Variants in PCDH15 observed in about 807,000 individuals in gnomAD.
The protein encoded by PCDH15 is protocadherin related 15, also known as protocadherin-15.
PCDH15 carries 129 observed loss-of-function variants against 178.5 expected under a neutral mutation model. That is an observed-to-expected ratio of 0.72 (90% CI 0.63 to 0.84). PCDH15 has a LOEUF of 0.84. PCDH15 is among the 40% of genes least tolerant of loss of function. The probability of loss-of-function intolerance (pLI) is 0.00; values close to 1 mark genes in which losing one functional copy is unlikely to be tolerated. For synonymous variants in PCDH15, 800 were observed against 732.0 expected (o/e 1.09, Z -1.50); for missense variants, 2,230 against 2,099.9 (o/e 1.06, Z -1.21).
At chr10:54,152,727 T>C (rs1338501262) in intron 14 of PCDH15, among the ~76,000 whole-genome samples, 1 of 152,092 alleles carries the variant, frequency 6.6e-6, no homozygotes, top group East Asian at 1.9e-4. Context: ...TCTGTGTGTG[T>C]ATACACATAT....
At chr10:54,482,153 A>G (rs1269148629) in intron 3 of PCDH15, among the ~76,000 whole-genome samples, 1 of 151,954 alleles carries the variant, frequency 6.6e-6, no homozygotes, top group Non-Finnish European at 1.5e-5. Flanking sequence ...TAACAATTGA[A>G]TATCATTTGA....
chr10:54,500,337 G>A (rs2080550708), intron 3 of PCDH15, among the ~76,000 whole-genome samples: 1 of 151,968 alleles, frequency 6.6e-6, no homozygotes, highest in South Asian at 2.1e-4. Context: ...ACTATCTATT[G>A]GGTACTGCAC....
At chr10:55,360,574 G>A (rs1845203824) in intron 2 of PCDH15, among the ~76,000 whole-genome samples, 1 of 151,872 alleles carries the variant, frequency 6.6e-6, no homozygotes, top group African/African-American at 2.4e-5. Flanking sequence ...TCATAAAAGA[G>A]AATACCCAAA....
intron 6 of PCDH15, among the ~76,000 whole-genome samples, chr10:54,339,081 C>T (rs1565009684): frequency 6.6e-6 from 1 of 152,194 alleles, no homozygotes; most frequent in African/African-American, 2.4e-5. Context: ...CTAATTCAAG[C>T]TTGTCTAACC....
At chr10:54,240,066 A>C (rs71491001) in intron 8 of PCDH15, among the ~76,000 whole-genome samples, 2 of 152,188 alleles carry the variant, frequency 1.3e-5, no homozygotes, top group Admixed American at 6.5e-5. Flanking sequence ...ATTAATTAGA[A>C]GAAACAACAT....
At chr10:54,433,784 G>GT (rs2075182559) in intron 3 of PCDH15, among the ~76,000 whole-genome samples, 1 of 152,014 alleles carries the variant, frequency 6.6e-6, no homozygotes, top group South Asian at 2.1e-4. Context: ...TTACATGCCC[G>GT]TATCAAAGCA....
intron 1 of PCDH15, among the ~76,000 whole-genome samples, chr10:55,252,740 A>G (rs1416163831): frequency 6.6e-6 from 1 of 152,114 alleles, no homozygotes; most frequent in Non-Finnish European, 1.5e-5. Flanking sequence ...ATGTTTCACT[A>G]TATCCTCAGA....
chr10:55,086,229 C>CTCTCA (rs1401969759), intron 2 of PCDH15, among the ~76,000 whole-genome samples: 1 of 151,904 alleles, frequency 6.6e-6, no homozygotes, highest in Non-Finnish European at 1.5e-5. Flanking sequence ...ATTGTAATCA[C>CTCTCA]TCTCATAGTT....
intron 2 of PCDH15, among the ~76,000 whole-genome samples, chr10:55,423,277 T>C (rs1251322053): frequency 6.6e-6 from 1 of 151,952 alleles, no homozygotes; most frequent in Non-Finnish European, 1.5e-5. Context: ...AAGGGAAGGA[T>C]GAATAAAGAA....
chr10:54,020,518 A>C (rs577989681), intron 19 of PCDH15, 102 bp from the exon 20 acceptor site: 1 of 1,132,904 alleles, frequency 8.8e-7, no homozygotes, highest in East Asian at 2.4e-5. Context: ...GCATCAATTT[A>C]ACGAGGACAA....
chr10:55,102,451 A>G (rs976574499), intron 2 of PCDH15, among the ~76,000 whole-genome samples: 26 of 152,210 alleles, frequency 1.7e-4, no homozygotes, highest in African/African-American at 6.3e-4. Flanking sequence ...ACTTATGATA[A>G]AATTTAATTT....
intron 3 of PCDH15, among the ~76,000 whole-genome samples, chr10:54,521,586 C>T (rs913160871): frequency 5.3e-5 from 8 of 151,982 alleles, no homozygotes; most frequent in South Asian, 2.1e-4. Flanking sequence ...TGTAATATAA[C>T]AAAAATCACT....
At chr10:54,973,303 T>G (rs1838983504) in intron 2 of PCDH15, among the ~76,000 whole-genome samples, 2 of 152,322 alleles carry the variant, frequency 1.3e-5, no homozygotes, top group African/African-American at 4.8e-5. Flanking sequence ...GTTATATTTA[T>G]AGATATGGAA....
chr10:54,000,247 A>G (rs2092064233), intron 20 of PCDH15, among the ~76,000 whole-genome samples: 1 of 152,136 alleles, frequency 6.6e-6, no homozygotes, highest in Non-Finnish European at 1.5e-5. Flanking sequence ...GAATACAATA[A>G]ATACCCAACG....
intron 1 of PCDH15, among the ~76,000 whole-genome samples, chr10:55,259,433 T>C (rs1413389477): frequency 6.6e-6 from 1 of 152,172 alleles, no homozygotes; most frequent in East Asian, 1.9e-4. Context: ...AGTGGTTAAC[T>C]ATGCCTAAAA....
intron 6 of PCDH15, 74 bp downstream of exon 6, chr10:54,346,291 A>G (rs953684224): frequency 6.4e-6 from 9 of 1,412,554 alleles, no homozygotes; most frequent in African/African-American, 5.7e-5. Flanking sequence ...GAATAATACA[A>G]TAACTATCAG....
intron 8 of PCDH15, among the ~76,000 whole-genome samples, chr10:54,304,219 G>A (rs962543826): frequency 6.6e-6 from 1 of 152,060 alleles, no homozygotes; most frequent in African/African-American, 2.4e-5. Flanking sequence ...ATTAACACTG[G>A]CATAAGCCAG....
intron 2 of PCDH15, among the ~76,000 whole-genome samples, chr10:55,515,742 A>G (rs1840997912): frequency 6.6e-6 from 1 of 152,276 alleles, no homozygotes; most frequent in East Asian, 1.9e-4. Context: ...GTCATCATGC[A>G]AATCAAGAAA....
intron 2 of PCDH15, among the ~76,000 whole-genome samples, chr10:54,899,387 T>C (rs1954604141): frequency 6.6e-6 from 1 of 152,140 alleles, no homozygotes; most frequent in South Asian, 2.1e-4. Flanking sequence ...AGTGAGAAAA[T>C]AAATTTATAA....
Sources: gnomAD v4.1 joint callset for allele counts (sites outside exome capture counted in the v4.1 genomes callset) on GRCh38, gnomAD v4.1.1 for gene constraint, MANE v1.5 for transcripts, NCBI Gene and HGNC (gene_info 2026-07-23, HGNC 2026-07-21) for gene names.